The following PDSS2 variants were observed in gnomAD, a reference collection of about 807,000 sequenced individuals.
PDSS2 encodes the protein all trans-polyprenyl-diphosphate synthase PDSS2.
A neutral mutation model predicts 44.5 loss-of-function variants in PDSS2; 31 were observed. The observed-to-expected ratio is 0.70, with a 90% confidence interval of 0.52 to 0.94. PDSS2 has a LOEUF of 0.94. Among genes scored for constraint, PDSS2 ranks in the 40% least tolerant of loss-of-function variants. The pLI, the probability that PDSS2 is intolerant of heterozygous loss-of-function variation, is 0.00. For missense variants in PDSS2, 452 were observed against 482.2 expected (o/e 0.94, Z 0.59); for synonymous variants, 157 against 180.3 (o/e 0.87, Z 1.03).
intron 2 of PDSS2, among the ~76,000 whole-genome samples, chr6:107,306,194 G>C (rs1776853574): frequency 6.6e-6 from 1 of 152,126 alleles, no homozygotes; most frequent in Non-Finnish European, 1.5e-5. Context: ...GATATGGTTT[G>C]GCTGTGTCCC....
intron 3 of PDSS2, among the ~76,000 whole-genome samples, chr6:107,251,178 T>G (rs536615014): frequency 6.6e-6 from 1 of 152,290 alleles, no homozygotes; most frequent in East Asian, 1.9e-4. Flanking sequence ...AGAAAAAATG[T>G]AAACTATAAG....
Position 107,346,029 on chromosome 6 carries a change from A to G in PDSS2, c.297-11697T>C, listed in dbSNP as rs554444387. ...GACCTTACAGATATTTAAAATGGCC[A>G]CCAGCAGAGCTAGCAAAGAGGATTA... On this transcript the variant is annotated intron_variant, in intron 1 of 7. Coordinates refer to ENST00000369037, the MANE Select transcript of PDSS2 (RefSeq NM_020381.4). 2.6e-5 allele frequency among the ~76,000 whole-genome samples: 4 copies of G among 152,366 alleles called. No homozygotes were observed. In the South Asian group the frequency reaches 8.3e-4, roughly 32 times the overall value.
chr6:107,454,744 G>C (rs1473240123), intron 1 of PDSS2, among the ~76,000 whole-genome samples: 1 of 151,312 alleles, frequency 6.6e-6, no homozygotes, highest in Non-Finnish European at 1.5e-5. Flanking sequence ...TATTCGAAAA[G>C]TAAATGGCTC....
rs936504894 is a variant in PDSS2, at chr6:107,240,726, T to TA, written c.702+4821dup. Among the ~76,000 whole-genome samples, 24 of 146,434 alleles carry TA rather than the reference T, an allele frequency of 1.6e-4. No individual in the cohort carries two copies. The South Asian group carries it at 1.9e-3, about 12-fold the overall frequency. On this transcript the variant is annotated intron_variant, in intron 4 of 7. Transcript: ENST00000369037. ...ACCCTACCTGTAAAAAATAAAAATT[T>TA]AAAAAAAAAAAAGCAATTTTTCTAT...
intron 6 of PDSS2, among the ~76,000 whole-genome samples, chr6:107,207,608 C>CTTTTTT (rs777686277): frequency 7.2e-5 from 8 of 110,382 alleles, no homozygotes; most frequent in Non-Finnish European, 1.2e-4. Context: ...AGTAAAGTGT[C>CTTTTTT]TTTTTTTTTT....
Position 107,210,444 on chromosome 6 carries a change from C to T in PDSS2, c.1003G>A (p.Gly335Arg), listed in dbSNP as rs17853951. The T allele has an allele frequency of 3.9e-5, 62 of 1,606,650 alleles. 1 individual carries two copies. Among genetic ancestry groups the T allele is most frequent in the Non-Finnish European group, 4.9e-5 (58 of 1,173,944 alleles). Residue 335 changes from glycine (G) to arginine (R), a missense_variant, in exon 6 of 8, where the codon GGA becomes AGA. By Grantham distance (125) the Gly-to-Arg change is moderately radical (BLOSUM62 -2). Coordinates refer to ENST00000369037, the MANE Select transcript of PDSS2 (RefSeq NM_020381.4). ...LGRDLWIKQI[G>R]EAQEKGRLDY... ...CAGGAGTAATTTCATTTTACCTCTCCGATCTGTTTAATCCACAAATCTCTT... is the reference window on the plus strand; with the variant it reads ...CAGGAGTAATTTCATTTTACCTCTCTGATCTGTTTAATCCACAAATCTCTT...
intron 1 of PDSS2, among the ~76,000 whole-genome samples, chr6:107,373,779 A>C (rs1199290157): frequency 6.6e-6 from 1 of 152,222 alleles, no homozygotes; most frequent in Non-Finnish European, 1.5e-5. Context: ...TCTGGCAATC[A>C]GTCAAATCTC....
intron 3 of PDSS2, among the ~76,000 whole-genome samples, chr6:107,246,123 C>A (rs1253929603): frequency 6.6e-6 from 1 of 151,980 alleles, no homozygotes; most frequent in African/African-American, 2.4e-5. Context: ...CTGTGGGGTC[C>A]CTGGGTCAAA....
chr6:107,304,450 A>G (rs1776793192), intron 2 of PDSS2, among the ~76,000 whole-genome samples: 1 of 152,196 alleles, frequency 6.6e-6, no homozygotes, highest in Admixed American at 6.5e-5. Flanking sequence ...TTATCTATGT[A>G]TAGAGACACC....
intron 1 of PDSS2, among the ~76,000 whole-genome samples, chr6:107,348,238 C>A (rs1184324669): frequency 1.3e-5 from 2 of 152,180 alleles, no homozygotes; most frequent in African/African-American, 4.8e-5. Flanking sequence ...ATGCACACAA[C>A]AACTCTGAAG....
At chr6:107,337,104 CT>C (rs1777930082) in intron 1 of PDSS2, among the ~76,000 whole-genome samples, 1 of 151,350 alleles carries the variant, frequency 6.6e-6, no homozygotes, top group Non-Finnish European at 1.5e-5. Flanking sequence ...GCAGCAAACA[CT>C]TATATTGTGG....
intron 1 of PDSS2, among the ~76,000 whole-genome samples, chr6:107,407,779 A>T (rs1562520191): frequency 1.3e-5 from 2 of 152,110 alleles, no homozygotes. Flanking sequence ...GGCTCACTGC[A>T]ATCTCTGCCT....
intron 7 of PDSS2, among the ~76,000 whole-genome samples, chr6:107,191,124 T>C: frequency 6.6e-6 from 1 of 152,046 alleles, no homozygotes; most frequent in Non-Finnish European, 1.5e-5. Context: ...ATCTCCTGAC[T>C]TCGTGATCCG....
intron 1 of PDSS2, among the ~76,000 whole-genome samples, chr6:107,424,403 G>A (rs1780924152): frequency 6.6e-6 from 1 of 152,036 alleles, no homozygotes; most frequent in Non-Finnish European, 1.5e-5. Flanking sequence ...TTCTCTTGCA[G>A]GAACCTTTTT....
intron 2 of PDSS2, among the ~76,000 whole-genome samples, chr6:107,283,493 G>C (rs183342839): frequency 1.1e-3 from 174 of 152,234 alleles, no homozygotes; most frequent in Non-Finnish European, 1.8e-3. Context: ...GGCTGAGGTG[G>C]GCAGATCACT....
At chr6:107,235,403 A>C (rs1774191535) in intron 4 of PDSS2, among the ~76,000 whole-genome samples, 1 of 152,228 alleles carries the variant, frequency 6.6e-6, no homozygotes, top group African/African-American at 2.4e-5. Flanking sequence ...TCCACAAGTC[A>C]GAGTAAAAAA....
At chr6:107,260,190 C>T (rs574361203) in intron 3 of PDSS2, among the ~76,000 whole-genome samples, 1 of 152,304 alleles carries the variant, frequency 6.6e-6, no homozygotes, top group African/African-American at 2.4e-5. Context: ...ACCTGTTGGG[C>T]TAATGGCCTT....
Position 107,424,036 on chromosome 6 carries a change from C to CATTTTTTTTTTTTTTTTTTTTT in PDSS2, c.296+34953_296+34954insAAAAAAAAAAAAAAAAAAAAAT, listed in dbSNP as rs1554279679. On this transcript the variant is annotated intron_variant, in intron 1 of 7. Coordinates refer to ENST00000369037, the MANE Select transcript of PDSS2 (RefSeq NM_020381.4). ...AATTATGATTATTTTTATCTTGCATCTTTTTTTTTTTTTTTTTTTTTTTGG... is the reference window on the plus strand; with the variant it reads ...AATTATGATTATTTTTATCTTGCATCATTTTTTTTTTTTTTTTTTTTTTTTTTTTTTTTTTTTTTTTTTTTGG... Among the ~76,000 whole-genome samples, 5 of 90,586 alleles carry CATTTTTTTTTTTTTTTTTTTTT rather than the reference C, an allele frequency of 5.5e-5. 1 individual carries two copies. Among genetic ancestry groups the CATTTTTTTTTTTTTTTTTTTTT allele is most frequent in the Non-Finnish European group, 4.2e-5 (2 of 47,158 alleles). 59.4% of individuals were successfully genotyped at this position (90,586 alleles called of 152,430 possible).
At chr6:107,161,023 C>T (rs1385910455) in intron 7 of PDSS2, among the ~76,000 whole-genome samples, 7 of 152,030 alleles carry the variant, frequency 4.6e-5, no homozygotes, top group African/African-American at 1.7e-4. Context: ...CAGGTGTGAG[C>T]CACTGCGCAT....
Sources: allele counts gnomAD v4.1 joint callset (sites outside exome capture counted in the v4.1 genomes callset), GRCh38; gene constraint gnomAD v4.1.1; transcripts MANE v1.5; gene names NCBI Gene and HGNC (gene_info 2026-07-23, HGNC 2026-07-21).